The following GLRA3 variants were observed in gnomAD, a reference collection of about 807,000 sequenced individuals.
GLRA3 encodes the protein glycine receptor alpha 3, also known as glycine receptor subunit alpha-3.
Under a neutral mutation model 60.4 loss-of-function variants are expected in GLRA3, and 44 were observed. The ratio of observed to expected loss-of-function variants is 0.73; its 90% CI spans 0.57 to 0.94. The LOEUF is 0.94. Among genes scored for constraint, GLRA3 ranks in the 40% least tolerant of loss-of-function variants. GLRA3 has a pLI of 0.00. For missense variants in GLRA3, 508 were observed against 564.6 expected (o/e 0.90, Z 1.02); for synonymous variants, 223 against 192.9 (o/e 1.16, Z -1.29).
chr4:174,829,066 G>A lies in GLRA3; in HGVS notation c.-255C>T, dbSNP rs1741098839. ...ATTACAAAAATGAGTGAGATGAAAT[G>A]TCTGAAGTGCCTAGGTGCTGGGCAA... On this transcript the variant is annotated 5_prime_UTR_variant, in exon 1 of 10. Coordinates refer to ENST00000274093, the MANE Select transcript of GLRA3 (RefSeq NM_006529.4). 1 of 423,178 alleles carries A rather than the reference G, an allele frequency of 2.4e-6. No individual in the cohort carries two copies. Among genetic ancestry groups the A allele is most frequent in the African/African-American group, 2.0e-5 (1 of 49,618 alleles). The allele number at this position is 423,178 out of a possible 1,614,324, so 26.2% of individuals were successfully genotyped here.
chr4:174,693,412 G>A (rs1734936028), intron 5 of GLRA3, among the ~76,000 whole-genome samples: 1 of 152,064 alleles, frequency 6.6e-6, no homozygotes, highest in African/African-American at 2.4e-5. Context: ...TATTGAATAG[G>A]GAATCTCTTC....
intron 7 of GLRA3, among the ~76,000 whole-genome samples, chr4:174,675,449 G>A (rs776587903): frequency 1.4e-4 from 22 of 151,772 alleles, no homozygotes; most frequent in Non-Finnish European, 2.5e-4. Flanking sequence ...GTATCTAAAC[G>A]TCTTTCTGTT....
chr4:174,653,095 CT>C, intron 9 of GLRA3, among the ~76,000 whole-genome samples: 1 of 152,040 alleles, frequency 6.6e-6, no homozygotes, highest in East Asian at 1.9e-4. Flanking sequence ...TTGCCAAATA[CT>C]TTTTTGTAAC....
chr4:174,649,784 G>A (rs1732961089), intron 9 of GLRA3, among the ~76,000 whole-genome samples: 4 of 149,234 alleles, frequency 2.7e-5, no homozygotes, highest in Admixed American at 2.6e-4. Context: ...GGACAGAGAT[G>A]GCTGGTTGGA....
intron 1 of GLRA3, among the ~76,000 whole-genome samples, chr4:174,818,367 A>G (rs1446874408): frequency 1.3e-5 from 2 of 151,964 alleles, no homozygotes; most frequent in Non-Finnish European, 2.9e-5. Flanking sequence ...TTGATGTGAG[A>G]TTATATTTAT....
intron 1 of GLRA3, among the ~76,000 whole-genome samples, chr4:174,822,868 G>A (rs1740797426): frequency 6.6e-6 from 1 of 152,088 alleles, no homozygotes; most frequent in Non-Finnish European, 1.5e-5. Flanking sequence ...TTGCCTACGA[G>A]GTACTAGTAA....
At position 174,798,876 on chromosome 4, in the gene GLRA3, G is replaced by A. The variant is rs567259840; in HGVS notation, c.72-9933C>T. On this transcript the variant is annotated intron_variant, in intron 1 of 9. Coordinates refer to ENST00000274093, the MANE Select transcript of GLRA3 (RefSeq NM_006529.4). ...GCGGAGCTTGCAGTGAGCCGAGATA[G>A]CACCACTGCACTCCAGCCTGGGCGA... Among the ~76,000 whole-genome samples the A allele has an allele frequency of 3.3e-5, 5 of 151,882 alleles. No individual in the cohort carries two copies. In the East Asian group the frequency reaches 5.8e-4, roughly 18 times the overall value.
chr4:174,785,536 T>A (rs1183306400), intron 2 of GLRA3, among the ~76,000 whole-genome samples: 1 of 152,188 alleles, frequency 6.6e-6, no homozygotes. Flanking sequence ...CCATTTCGTT[T>A]CTGTTAATTG....
chr4:174,665,942 CACA>C (rs1733650709), intron 7 of GLRA3, among the ~76,000 whole-genome samples: 1 of 152,062 alleles, frequency 6.6e-6, no homozygotes, highest in Non-Finnish European at 1.5e-5. Flanking sequence ...ACTTAATCCC[CACA>C]ACAATAGAGG....
Position 174,677,110 on chromosome 4 carries a change from G to A in GLRA3, c.895C>T (p.Gln299Ter), listed in dbSNP as rs1734153318. 1.2e-6 allele frequency: 2 copies of A among 1,612,642 alleles called. No individual in the cohort carries two copies. The highest frequency in any genetic ancestry group is 1.7e-6 in the Non-Finnish European group (2 of 1,178,752). ...GITTVLTMTT[Q>*]SSGSRASLPK... ...AAGGAAGCTCGTGATCCTGAACTCT[G>A]TGTAGTCATCGTTAGCACAGTGGTT... The change falls in exon 7 of 10, where the codon CAG (glutamine) becomes TAG (stop). Residue 299 changes from glutamine (Q) to a stop codon, truncating the protein, a stop_gained. Coordinates refer to ENST00000274093, the MANE Select transcript of GLRA3 (RefSeq NM_006529.4). LOFTEE classifies it high-confidence loss of function.
chr4:174,797,029 A>G (rs1739599749), intron 1 of GLRA3, among the ~76,000 whole-genome samples: 1 of 152,216 alleles, frequency 6.6e-6, no homozygotes, highest in Non-Finnish European at 1.5e-5. Flanking sequence ...AATACATAGT[A>G]TGAGGCTCCA....
chr4:174,771,217 A>C (rs1738372902), intron 2 of GLRA3, among the ~76,000 whole-genome samples: 2 of 152,062 alleles, frequency 1.3e-5, no homozygotes, highest in East Asian at 3.9e-4. Flanking sequence ...ATGTAACTTA[A>C]AACTTAAAGT....
At chr4:174,689,428 A>G (rs1361474728) in intron 5 of GLRA3, among the ~76,000 whole-genome samples, 2 of 152,176 alleles carry the variant, frequency 1.3e-5, no homozygotes, top group Non-Finnish European at 1.5e-5. Context: ...TGACTTCTTT[A>G]TATTTTGCAT....
chr4:174,710,038 G>A (rs2111078532), intron 5 of GLRA3, among the ~76,000 whole-genome samples: 1 of 149,734 alleles, frequency 6.7e-6, no homozygotes, highest in South Asian at 2.1e-4. Flanking sequence ...TTTCCAAATA[G>A]CCTCTAGGAA....
chr4:174,766,286 T>C (rs998746233), intron 3 of GLRA3, among the ~76,000 whole-genome samples: 107 of 152,062 alleles, frequency 7.0e-4, no homozygotes, highest in African/African-American at 2.2e-3. Context: ...AAAAATAAAA[T>C]TGGCTGCTAG....
chr4:174,796,798 T>C (rs1189866635), intron 1 of GLRA3, among the ~76,000 whole-genome samples: 2 of 152,070 alleles, frequency 1.3e-5, no homozygotes, highest in Non-Finnish European at 2.9e-5. Flanking sequence ...GCCTCCCAAA[T>C]TGCTGGGATT....
chr4:174,694,348 C>G (rs1200107118), intron 5 of GLRA3, among the ~76,000 whole-genome samples: 1 of 152,068 alleles, frequency 6.6e-6, no homozygotes, highest in Non-Finnish European at 1.5e-5. Flanking sequence ...AAAAAACAAT[C>G]ATCAACAAAT....
At chr4:174,711,083 T>C (rs1735702279) in intron 5 of GLRA3, among the ~76,000 whole-genome samples, 1 of 152,044 alleles carries the variant, frequency 6.6e-6, no homozygotes, top group South Asian at 2.1e-4. Context: ...TGTATATTAA[T>C]ATATAATAAT....
intron 7 of GLRA3, among the ~76,000 whole-genome samples, chr4:174,676,483 T>C (rs1734121821): frequency 6.6e-6 from 1 of 152,174 alleles, no homozygotes; most frequent in South Asian, 2.1e-4. Flanking sequence ...TTTATAAGAA[T>C]ATATGCTAAG....
Sources: gnomAD v4.1 joint callset for allele counts (sites outside exome capture counted in the v4.1 genomes callset) on GRCh38, gnomAD v4.1.1 for gene constraint, MANE v1.5 for transcripts, NCBI Gene and HGNC (gene_info 2026-07-23, HGNC 2026-07-21) for gene names.